Variants in DTD1 observed in about 807,000 individuals in gnomAD.
The protein encoded by DTD1 is D-aminoacyl-tRNA deacylase 1.
In DTD1, 13 loss-of-function variants were observed where a neutral mutation model predicts 25.6. The observed-to-expected ratio is 0.51, with a 90% CI of 0.33 to 0.81. The LOEUF (loss-of-function observed/expected upper bound fraction) is 0.81, where lower values mean the gene tolerates loss of function less well. Ranked by LOEUF, DTD1 falls within the 30% of genes least tolerant of loss-of-function variation. The pLI, the probability that DTD1 is intolerant of heterozygous loss-of-function variation, is 0.02. For missense variants in DTD1, 193 were observed against 266.4 expected, an observed-to-expected ratio of 0.72 and a Z score of 1.92; for synonymous variants, 110 against 103.6, an observed-to-expected ratio of 1.06 and a Z score of -0.37.
chr20:18,743,768 A>G (rs1181771270), intron 4 of DTD1, among the ~76,000 whole-genome samples: 1 of 152,158 alleles, frequency 6.6e-6, no homozygotes, highest in Non-Finnish European at 1.5e-5. Context: ...GAAAAAAGTA[A>G]GAGATGAAAA....
At position 18,672,447 on chromosome 20, in the gene DTD1, G is replaced by GT. The variant is rs1012997247; in HGVS notation, c.477+44225dup. Among the ~76,000 whole-genome samples the GT allele has an allele frequency of 2.9e-3, 421 of 146,034 alleles. 1 individual carries two copies. The highest frequency in any genetic ancestry group is 4.0e-3 in the Non-Finnish European group (264 of 66,154). Reference sequence around the variant, plus strand: ...TAGTGAGTTTGAATAGCTTTTTTCAGTTTTTTTTTTTGAACTTAGGTATTC... The same window carrying GT: ...TAGTGAGTTTGAATAGCTTTTTTCAGTTTTTTTTTTTTGAACTTAGGTATTC... On this transcript the variant is annotated intron_variant, in intron 4 of 5. Transcript: ENST00000377452.
intron 3 of DTD1, among the ~76,000 whole-genome samples, chr20:18,610,403 TA>T (rs2060681778): frequency 1.3e-5 from 2 of 152,176 alleles, no homozygotes; most frequent in Non-Finnish European, 2.9e-5. Context: ...CTTCTTGAAA[TA>T]ATGTATATTT....
At chr20:18,703,528 C>T (rs1410068963) in intron 4 of DTD1, among the ~76,000 whole-genome samples, 1 of 151,788 alleles carries the variant, frequency 6.6e-6, no homozygotes, top group Non-Finnish European at 1.5e-5. Context: ...GTTGATAATC[C>T]TCCCAGGTTG....
At position 18,613,036 on chromosome 20, in the gene DTD1, G is replaced by A. The variant is rs550568722; in HGVS notation, c.371-15091G>A. On this transcript the variant is annotated intron_variant, in intron 3 of 5. Transcript: ENST00000377452. Reference sequence around the variant, plus strand: ...CTCCGTCATGATCAAGGAAATCAGCGGAGGGGTTTTTGGGCCTCATTTGGG... The same window carrying A: ...CTCCGTCATGATCAAGGAAATCAGCAGAGGGGTTTTTGGGCCTCATTTGGG... Among the ~76,000 whole-genome samples, 5 of 152,310 alleles carry A rather than the reference G, an allele frequency of 3.3e-5. No homozygotes were observed. In the East Asian group the frequency reaches 7.7e-4, roughly 24 times the overall value.
intron 5 of DTD1, among the ~76,000 whole-genome samples, chr20:18,755,512 A>G (rs2061335649): frequency 6.6e-6 from 1 of 152,046 alleles, no homozygotes; most frequent in South Asian, 2.1e-4. Context: ...GAGTGAGAAC[A>G]TGCGGTGTTT....
At chr20:18,716,304 C>T (rs2061180443) in intron 4 of DTD1, among the ~76,000 whole-genome samples, 2 of 152,198 alleles carry the variant, frequency 1.3e-5, no homozygotes, top group Admixed American at 6.5e-5. Flanking sequence ...TGTTTTAAGA[C>T]TGAGGAAGGA....
At chr20:18,655,813 C>A (rs1350891870) in intron 4 of DTD1, among the ~76,000 whole-genome samples, 4 of 151,944 alleles carry the variant, frequency 2.6e-5, no homozygotes. Context: ...TCTTGTTGCC[C>A]AGGCTGGAGT....
intron 4 of DTD1, among the ~76,000 whole-genome samples, chr20:18,708,261 T>TATAC (rs2061139468): frequency 3.6e-5 from 1 of 27,784 alleles, no homozygotes. Flanking sequence ...ATTATATATA[T>TATAC]ATTTTATATA....
At chr20:18,736,726 C>T (rs547191911) in intron 4 of DTD1, among the ~76,000 whole-genome samples, 21 of 152,158 alleles carry the variant, frequency 1.4e-4, no homozygotes, top group South Asian at 4.1e-4. Flanking sequence ...ACCCCAACTC[C>T]GAAGGCAAGC....
Position 18,628,312 on chromosome 20 carries a change from C to G in DTD1, c.477+79C>G, listed in dbSNP as rs1210874702. On this transcript the variant is annotated intron_variant, in intron 4 of 5. Coordinates refer to ENST00000377452, the MANE Select transcript of DTD1 (RefSeq NM_080820.6). ...TTTAGTCCCTGGAAGAGTCCTCGGT[C>G]TGAGGAAATACATCATTGTTGCAAC... The G allele has an allele frequency of 5.6e-6, 6 of 1,074,326 alleles. No homozygotes were observed. The African/African-American group carries it at 7.9e-5, about 14-fold the overall frequency. 66.5% of individuals were successfully genotyped at this position (1,074,326 alleles called of 1,614,324 possible).
At chr20:18,664,562 G>C (rs897982741) in intron 4 of DTD1, among the ~76,000 whole-genome samples, 4 of 152,188 alleles carry the variant, frequency 2.6e-5, no homozygotes, top group African/African-American at 4.8e-5. Context: ...TCCATGAGCA[G>C]ATCTGTGTGG....
At chr20:18,744,713 C>A (rs117390619) in intron 5 of DTD1, among the ~76,000 whole-genome samples, 1 of 151,206 alleles carries the variant, frequency 6.6e-6, no homozygotes, top group Non-Finnish European at 1.5e-5. Flanking sequence ...TTGTTCACTA[C>A]CAAGAGAACA....
In DTD1 at chr20:18,763,873, T is replaced by A. The variant is rs1352578700; in HGVS notation, c.*533T>A. Reference sequence around the variant, plus strand: ...TTCTCTTTTTTCTAAAAATAAATAATAATAAAATCCTAAATCTCAACAAAC... The same window carrying A: ...TTCTCTTTTTTCTAAAAATAAATAAAAATAAAATCCTAAATCTCAACAAAC... On this transcript the variant is annotated 3_prime_UTR_variant, in exon 6 of 6. Transcript: ENST00000377452. 1 of 152,226 alleles carries A rather than the reference T, an allele frequency of 6.6e-6. No individual in the cohort carries two copies. Among genetic ancestry groups the A allele is most frequent in the Non-Finnish European group, 1.5e-5 (1 of 68,034 alleles). 9.4% of individuals were successfully genotyped at this position (152,226 alleles called of 1,614,324 possible). A position where few individuals can be genotyped will look rare whatever the true frequency, so the allele number is the denominator to read the frequency against.
chr20:18,711,687 G>A (rs1213962051), intron 4 of DTD1, among the ~76,000 whole-genome samples: 4 of 152,016 alleles, frequency 2.6e-5, no homozygotes, highest in Non-Finnish European at 4.4e-5. Flanking sequence ...GGTCAAGGGC[G>A]GTATCTGGGT....
At chr20:18,634,630 A>G (rs2060800477) in intron 4 of DTD1, among the ~76,000 whole-genome samples, 1 of 152,170 alleles carries the variant, frequency 6.6e-6, no homozygotes, top group African/African-American at 2.4e-5. Flanking sequence ...TACTTGTCTT[A>G]TCAGCAAGCA....
chr20:18,601,607 T>TCCCTGAC (rs1345612313), intron 3 of DTD1, among the ~76,000 whole-genome samples: 2 of 150,022 alleles, frequency 1.3e-5, no homozygotes, highest in Non-Finnish European at 3.0e-5. Flanking sequence ...CTCAAGTGGG[T>TCCCTGAC]CCCTGACCCC....
At chr20:18,663,635 G>T (rs958273557) in intron 4 of DTD1, among the ~76,000 whole-genome samples, 1 of 152,296 alleles carries the variant, frequency 6.6e-6, no homozygotes, top group Admixed American at 6.5e-5. Context: ...ATTCAGTAGA[G>T]TAACATGCTG....
Position 18,708,279 on chromosome 20 carries a change from TATATA to T in DTD1, c.478-35820_478-35816del, listed in dbSNP as rs1568676927. 2.8e-3 allele frequency among the ~76,000 whole-genome samples: 102 copies of T among 36,402 alleles called. 6 individuals are homozygous for T. The highest frequency in any genetic ancestry group is 2.1e-3 in the Admixed American group (5 of 2,430). The allele number at this position is 36,402 out of a possible 152,430, so 23.9% of individuals were successfully genotyped here. A position where few individuals can be genotyped will look rare whatever the true frequency, so the allele number is the denominator to read the frequency against. On this transcript the variant is annotated intron_variant, in intron 4 of 5. Transcript: ENST00000377452. ...ATATATATATTTTATATATATATAA[TATATA>T]TTATATATATATAATATATATATTT...
At chr20:18,621,519 T>A (rs558590681) in intron 3 of DTD1, among the ~76,000 whole-genome samples, 15 of 152,350 alleles carry the variant, frequency 9.8e-5, no homozygotes, top group African/African-American at 3.4e-4. Context: ...GGTCTTTGCC[T>A]GTAACAGTTA....
Sources: allele counts gnomAD v4.1 joint callset (sites outside exome capture counted in the v4.1 genomes callset), GRCh38; gene constraint gnomAD v4.1.1; transcripts MANE v1.5; gene names NCBI Gene and HGNC (gene_info 2026-07-23, HGNC 2026-07-21).